Variants in NRP2 observed in about 807,000 individuals in gnomAD.
The protein encoded by NRP2 is neuropilin 2, also known as neuropilin-2.
NRP2 carries 52 observed loss-of-function variants against 110.4 expected under a neutral mutation model. The observed-to-expected ratio is 0.47, with a 90% CI of 0.38 to 0.59. NRP2 has a LOEUF of 0.59. NRP2 is among the 20% of genes least tolerant of loss of function. The pLI is 0.00. For missense variants in NRP2, 1,049 were observed against 1,203.0 expected (o/e 0.87, Z 1.89); for synonymous variants, 508 against 468.9 (o/e 1.08, Z -1.08).
chr2:205,720,268 T>C (rs865891381), intron 3 of NRP2, among the ~76,000 whole-genome samples: 2,384 of 45,094 alleles, frequency 0.053, 58 homozygotes, highest in African/African-American at 0.23. Flanking sequence ...CTTTCTTTTT[T>C]TTTTTTTTTT....
intron 1 of NRP2, among the ~76,000 whole-genome samples, chr2:205,695,079 C>T (rs1244064175): frequency 6.6e-6 from 1 of 152,086 alleles, no homozygotes; most frequent in Non-Finnish European, 1.5e-5. Flanking sequence ...GCAAGCCAAA[C>T]AAGAATGTGA....
chr2:205,691,461 G>A (rs1477393597), intron 1 of NRP2, among the ~76,000 whole-genome samples: 1 of 152,140 alleles, frequency 6.6e-6, no homozygotes, highest in African/African-American at 2.4e-5. Flanking sequence ...ATGTATGGTG[G>A]GAAATAATTG....
At position 205,716,065 on chromosome 2, in the gene NRP2, C is replaced by T. The variant is rs978152008; in HGVS notation, c.252-128C>T. The T allele has an allele frequency of 5.2e-6, 5 of 970,060 alleles. No homozygotes were observed. In the South Asian group the frequency reaches 6.4e-5, roughly 13 times the overall value. 60.1% of individuals were successfully genotyped at this position (970,060 alleles called of 1,614,324 possible). On this transcript the variant is annotated intron_variant, in intron 2 of 16. Transcript: ENST00000357785. ...CAGTCTGTACAAGCAGACATAAGTG[C>T]CCTTCGCTTATCCATCTGAAACACC...
At chr2:205,694,079 T>A (rs1413984193) in intron 1 of NRP2, among the ~76,000 whole-genome samples, 1 of 152,106 alleles carries the variant, frequency 6.6e-6, no homozygotes, top group African/African-American at 2.4e-5. Context: ...GGAAGGTGAG[T>A]TCCTAAGTGA....
intron 15 of NRP2, chr2:205,777,753 C>T (rs2058122672): frequency 6.6e-6 from 1 of 152,180 alleles, no homozygotes; most frequent in Non-Finnish European, 1.5e-5. Context: ...TCTATAGCCG[C>T]TAAAATGTAA....
intron 2 of NRP2, among the ~76,000 whole-genome samples, chr2:205,707,737 A>G (rs1255834523): frequency 2.6e-5 from 4 of 152,124 alleles, no homozygotes; most frequent in African/African-American, 9.7e-5. Context: ...CGTTTTTTGG[A>G]CAGACGGGGA....
At chr2:205,758,278 C>A (rs954341240) in intron 12 of NRP2, among the ~76,000 whole-genome samples, 2 of 152,112 alleles carry the variant, frequency 1.3e-5, no homozygotes, top group African/African-American at 4.8e-5. Context: ...TTCAGATGGT[C>A]GTTCTAGTAG....
Position 205,728,016 on chromosome 2 carries a change from G to C in NRP2, c.1116G>C (p.Trp372Cys). The change falls in exon 7 of 17, where the codon TGG becomes TGC. Residue 372 changes from tryptophan to cysteine, a missense_variant. Trp to Cys is a radical substitution (Grantham distance 215). Coordinates refer to ENST00000357785, the MANE Select transcript of NRP2 (RefSeq NM_003872.3). ...AAGTCAGCACTAATGGAGAGGACTG[G>C]ATGGTGTACCGGCATGGCAAAAACC... ...KLEVSTNGED[W>C]MVYRHGKNHK... is the part of the protein sequence containing the mutation. 1 of 1,614,176 alleles carries C rather than the reference G, an allele frequency of 6.2e-7. No homozygotes were observed. The highest frequency in any genetic ancestry group is 1.1e-5 in the South Asian group (1 of 91,080).
chr2:205,759,892 A>G (rs993546104), intron 12 of NRP2: 3 of 152,170 alleles, frequency 2.0e-5, no homozygotes, highest in African/African-American at 7.2e-5. Context: ...CTCTTCCCCC[A>G]ACTCTATGCA....
chr2:205,746,618 A>G (rs1466517044), intron 10 of NRP2, among the ~76,000 whole-genome samples: 2 of 152,130 alleles, frequency 1.3e-5, no homozygotes, highest in East Asian at 3.9e-4. Flanking sequence ...TGCCTGCCAA[A>G]AGGAGTTTGT....
chr2:205,728,426 A>G (rs1388476940), intron 7 of NRP2, among the ~76,000 whole-genome samples: 1 of 152,192 alleles, frequency 6.6e-6, no homozygotes, highest in Non-Finnish European at 1.5e-5. Context: ...ATGATACTAT[A>G]GTTCAGGAGT....
chr2:205,759,586 A>T (rs2057788229), intron 12 of NRP2: 1 of 152,180 alleles, frequency 6.6e-6, no homozygotes, highest in South Asian at 2.1e-4. Flanking sequence ...AACACAAAAG[A>T]CCTGTGGTGA....
At position 205,794,743 on chromosome 2, in the gene NRP2, A is replaced by C. The variant is rs1439508693; in HGVS notation, c.2477-11A>C. The C allele has an allele frequency of 7.4e-6, 12 of 1,613,910 alleles. No homozygotes were observed. The highest frequency in any genetic ancestry group is 9.3e-6 in the Non-Finnish European group (11 of 1,179,946). On this transcript the variant is annotated splice_polypyrimidine_tract_variant and intron_variant, in intron 16 of 16. Coordinates refer to ENST00000357785, the MANE Select transcript of NRP2 (RefSeq NM_003872.3). ...GTGCCTGCAATCTCTCATGAATTTT[A>C]TGTATCGCAGATGAATACGAGGTGG...
At chr2:205,718,872 G>A (rs1488353427) in intron 3 of NRP2, among the ~76,000 whole-genome samples, 1 of 151,686 alleles carries the variant, frequency 6.6e-6, no homozygotes, top group Non-Finnish European at 1.5e-5. Context: ...AACCCAGAAG[G>A]AGGAGGTGGC....
intron 1 of NRP2, among the ~76,000 whole-genome samples, chr2:205,687,082 C>G (rs772176819): frequency 6.6e-6 from 1 of 152,204 alleles, no homozygotes; most frequent in Non-Finnish European, 1.5e-5. Flanking sequence ...CCCCTCCCCT[C>G]CTCGTCTGGA....
chr2:205,695,588 C>T (rs921539402), intron 1 of NRP2, among the ~76,000 whole-genome samples: 13 of 152,112 alleles, frequency 8.5e-5, no homozygotes, highest in East Asian at 1.9e-4. Context: ...TTTCCTCTGA[C>T]GAATTCCAAG....
chr2:205,772,223 A>G (rs2058033734), intron 15 of NRP2, among the ~76,000 whole-genome samples: 1 of 152,238 alleles, frequency 6.6e-6, no homozygotes, highest in African/African-American at 2.4e-5. Context: ...CCGTAGACCA[A>G]TGGTTAATAC....
At position 205,782,558 on chromosome 2, in the gene NRP2, G is replaced by A. The variant is rs542578284; in HGVS notation, c.2426-9677G>A. Reference sequence around the variant, plus strand: ...GTAACTGTGAGGGATGGTTTGAGGAGTATGTTTCCAGGCCTTGTTTTATAC... The same window carrying A: ...GTAACTGTGAGGGATGGTTTGAGGAATATGTTTCCAGGCCTTGTTTTATAC... On this transcript the variant is annotated intron_variant, in intron 15 of 16. Coordinates refer to ENST00000357785, the MANE Select transcript of NRP2 (RefSeq NM_003872.3). Among the ~76,000 whole-genome samples the A allele has an allele frequency of 3.3e-5, 5 of 152,336 alleles. No individual in the cohort carries two copies. The South Asian group carries it at 1.0e-3, about 32-fold the overall frequency.
chr2:205,753,083 C>CCT, intron 12 of NRP2, 108 bp downstream of exon 12: 1 of 1,430,674 alleles, frequency 7.0e-7, no homozygotes. Flanking sequence ...GCACAGCAAT[C>CCT]CTCTATTCTT....
Sources: allele counts gnomAD v4.1 joint callset (sites outside exome capture counted in the v4.1 genomes callset), GRCh38; gene constraint gnomAD v4.1.1; transcripts MANE v1.5; gene names NCBI Gene and HGNC (gene_info 2026-07-23, HGNC 2026-07-21).